Variants in AGO3 observed in about 807,000 individuals in gnomAD.
AGO3 encodes argonaute RISC catalytic component 3.
AGO3 carries 16 observed loss-of-function variants against 105.5 expected under a neutral mutation model. That is an observed-to-expected ratio of 0.15 (90% CI 0.10 to 0.23). The LOEUF is 0.23. Ranked by LOEUF, AGO3 falls within the 10% of genes least tolerant of loss-of-function variation. The pLI is 1.00. For synonymous variants in AGO3, 340 were observed against 367.3 expected (o/e 0.93, Z 0.85); for missense variants, 534 against 1,088.0 (o/e 0.49, Z 7.16).
chr1:35,982,093 T>C (rs988356517), intron 5 of AGO3, among the ~76,000 whole-genome samples: 1 of 152,206 alleles, frequency 6.6e-6, no homozygotes, highest in African/African-American at 2.4e-5. Context: ...TGCTGTTATG[T>C]TCCTACTAGA....
intron 2 of AGO3, among the ~76,000 whole-genome samples, chr1:35,946,414 C>A (rs1435684760): frequency 1.3e-5 from 2 of 152,046 alleles, no homozygotes; most frequent in Non-Finnish European, 2.9e-5. Flanking sequence ...CATTTATATT[C>A]TTGGATGTGG....
At chr1:36,024,390 G>A (rs1445997386) in intron 11 of AGO3, among the ~76,000 whole-genome samples, 1 of 152,050 alleles carries the variant, frequency 6.6e-6, no homozygotes, top group East Asian at 1.9e-4. Flanking sequence ...TCCTGCCTTG[G>A]CCTCCCAAAG....
At chr1:35,998,998 A>G (rs2148803488) in intron 5 of AGO3, among the ~76,000 whole-genome samples, 1 of 152,308 alleles carries the variant, frequency 6.6e-6, no homozygotes, top group East Asian at 1.9e-4. Flanking sequence ...CTAGCCCCAC[A>G]GTCTCTTTAT....
chr1:36,023,981 C>A (rs144710268), intron 11 of AGO3, among the ~76,000 whole-genome samples: 3 of 152,204 alleles, frequency 2.0e-5, no homozygotes, highest in African/African-American at 7.2e-5. Context: ...CATTACCTAA[C>A]AATCTCTTAG....
At chr1:35,969,478 G>C (rs1290620716) in intron 3 of AGO3, among the ~76,000 whole-genome samples, 1 of 152,040 alleles carries the variant, frequency 6.6e-6, no homozygotes, top group Non-Finnish European at 1.5e-5. Flanking sequence ...TTCTAATTCT[G>C]TCATTCATTC....
rs1475198569 is a variant in AGO3 at position 36,039,860 on chromosome 1, A to G, written c.1913A>G (p.Glu638Gly). Residue 638 changes from glutamate to glycine, a missense_variant, in exon 15 of 19, where the codon GAG becomes GGG. By Grantham distance (98) the Glu-to-Gly change is moderately conservative. This residue lies in a region of AGO3 where 373 missense variants were observed against 854.0 expected (regional missense o/e 0.44). Transcript: ENST00000373191. ...GTAAGAGTTCAGAGACCCCGACAGG[A>G]GATCATCCAGGACTTGGCCTCCATG... ...ATVRVQRPRQEIIQDLASMVR... is the reference protein window; with the variant it reads ...ATVRVQRPRQGIIQDLASMVR... The G allele has an allele frequency of 1.2e-6, 2 of 1,613,734 alleles. No homozygotes were observed. Among genetic ancestry groups the G allele is most frequent in the Non-Finnish European group, 1.7e-6 (2 of 1,179,952 alleles).
chr1:35,979,953 C>A (rs1420683929), intron 5 of AGO3, among the ~76,000 whole-genome samples: 2 of 152,056 alleles, frequency 1.3e-5, no homozygotes, highest in Non-Finnish European at 1.5e-5. Context: ...CAAGTCACAA[C>A]CATTGGTCAT....
intron 1 of AGO3, among the ~76,000 whole-genome samples, chr1:35,933,640 C>CAAAAA (rs34254758): frequency 3.2e-4 from 10 of 31,422 alleles, no homozygotes; most frequent in East Asian, 6.4e-4. Flanking sequence ...GACCCTGTCT[C>CAAAAA]AAAAAAAAAA....
At chr1:36,042,158 C>T (rs1569912893) in intron 16 of AGO3, among the ~76,000 whole-genome samples, 1 of 152,156 alleles carries the variant, frequency 6.6e-6, no homozygotes, top group East Asian at 1.9e-4. Context: ...GACTTTGGCT[C>T]ACTGCAGCCC....
At chr1:36,019,390 A>G (rs898357608) in intron 11 of AGO3, among the ~76,000 whole-genome samples, 2 of 152,230 alleles carry the variant, frequency 1.3e-5, no homozygotes, top group African/African-American at 4.8e-5. Context: ...CAGATTATTC[A>G]GTTAGTTTTG....
chr1:36,050,149 T>C (rs1350823869), intron 17 of AGO3, among the ~76,000 whole-genome samples: 1 of 152,224 alleles, frequency 6.6e-6, no homozygotes, highest in Non-Finnish European at 1.5e-5. Flanking sequence ...TTCACCAGGA[T>C]AGACCACATG....
chr1:35,988,391 T>C (rs1194030204), intron 5 of AGO3, among the ~76,000 whole-genome samples: 1 of 152,174 alleles, frequency 6.6e-6, no homozygotes, highest in Non-Finnish European at 1.5e-5. Flanking sequence ...CAGAACTTAC[T>C]CATCTTATAA....
intron 13 of AGO3, among the ~76,000 whole-genome samples, chr1:36,034,856 G>T (rs568432837): frequency 1.4e-4 from 22 of 152,326 alleles, no homozygotes; most frequent in African/African-American, 4.3e-4. Context: ...CAGCCTTCCT[G>T]CTATAGTCAG....
At position 36,056,336 on chromosome 1, in the gene AGO3, A is replaced by G. The variant is rs547384118; in HGVS notation, c.*591A>G. ...GGGAATTTTCTTTCCCTTTTATTCT[A>G]CCCCCACTACCGCCTTTATTTCTCT... On this transcript the variant is annotated 3_prime_UTR_variant, in exon 19 of 19. Coordinates refer to ENST00000373191, the MANE Select transcript of AGO3 (RefSeq NM_024852.4). 1.3e-5 allele frequency: 2 copies of G among 151,852 alleles called. No individual in the cohort carries two copies. The highest frequency in any genetic ancestry group is 2.4e-5 in the African/African-American group (1 of 41,304). 9.4% of individuals were successfully genotyped at this position (151,852 alleles called of 1,614,324 possible).
intron 5 of AGO3, among the ~76,000 whole-genome samples, chr1:35,973,752 A>G (rs1177054608): frequency 1.3e-5 from 2 of 152,188 alleles, no homozygotes; most frequent in African/African-American, 4.8e-5. Context: ...AGCCCTGATG[A>G]TTATCTGAGC....
At chr1:35,976,204 G>A (rs1178839758) in intron 5 of AGO3, among the ~76,000 whole-genome samples, 2 of 151,992 alleles carry the variant, frequency 1.3e-5, no homozygotes, top group Non-Finnish European at 2.9e-5. Context: ...CAGAGTGCTG[G>A]GATTACAGGC....
rs1250040589 is a variant in AGO3 at position 35,945,713 on chromosome 1, T to A, written c.41T>A (p.Leu14Gln). 1 of 1,612,860 alleles carries A rather than the reference T, an allele frequency of 6.2e-7. No homozygotes were observed. Among genetic ancestry groups the A allele is most frequent in the Non-Finnish European group, 8.5e-7 (1 of 1,180,006 alleles). ...GCAGGACCCGCTGGGGCCCAGCCCC[T>A]ACTCATGGTGCCCAGAAGACCTGGC... ...GSAGPAGAQP[L>Q]LMVPRRPGYG... Residue 14 changes from leucine to glutamine, a missense_variant, in exon 2 of 19, where the codon CTA becomes CAA. Leu to Gln is a moderately radical substitution (Grantham distance 113). Coordinates refer to ENST00000373191, the MANE Select transcript of AGO3 (RefSeq NM_024852.4).
rs1476730611 is a variant in AGO3 at position 36,067,957 on chromosome 1, AT to A, written c.*12216del. On this transcript the variant is annotated 3_prime_UTR_variant, in exon 19 of 19. Transcript: ENST00000373191. ...TGCCACAAGCTATAGCTTGATTAAT[AT>A]TTTAGCATGTTTTCCATGTTTGTAT... 5.3e-5 allele frequency: 8 copies of A among 152,216 alleles called. No homozygotes were observed. The highest frequency in any genetic ancestry group is 5.2e-4 in the Admixed American group (8 of 15,278). 9.4% of individuals were successfully genotyped at this position (152,216 alleles called of 1,614,324 possible).
At position 35,934,252 on chromosome 1, in the gene AGO3, G is replaced by A. The variant is rs1044309644; in HGVS notation, c.19+2807G>A. On this transcript the variant is annotated intron_variant, in intron 1 of 18. Transcript: ENST00000373191. ...ATTCTAGTCTATGTTTTCAGGTAAT[G>A]TTAGACTACCGTTTAGGACAGAGGA... Among the ~76,000 whole-genome samples, 11 of 152,266 alleles carry A rather than the reference G, an allele frequency of 7.2e-5. No homozygotes were observed. In the Middle Eastern group the frequency reaches 0.01, roughly 141 times the overall value.
Sources: gnomAD v4.1 joint callset for allele counts (sites outside exome capture counted in the v4.1 genomes callset) on GRCh38, gnomAD v4.1.1 for gene constraint, gnomAD v4.1.1 regional missense constraint, MANE v1.5 for transcripts, NCBI Gene and HGNC (gene_info 2026-07-23, HGNC 2026-07-21) for gene names.